Variants in RAC2 observed in about 807,000 individuals in gnomAD.
RAC2 encodes ras-related C3 botulinum toxin substrate 2.
In RAC2, 1 loss-of-function variant was observed where a neutral mutation model predicts 24.0. The ratio of observed to expected loss-of-function variants is 0.04; its 90% CI spans 0.01 to 0.20. The LOEUF is 0.20. RAC2 is among the 10% of genes least tolerant of loss of function. The pLI, the probability that RAC2 is intolerant of heterozygous loss-of-function variation, is 1.00. For missense variants in RAC2, 130 were observed against 259.1 expected (o/e 0.50, Z 3.42); for synonymous variants, 114 against 106.8 (o/e 1.07, Z -0.41).
rs766735118 is a variant in RAC2 at position 37,241,710 on chromosome 22, G to A, written c.36-52C>T. 44 of 1,533,918 alleles carry A rather than the reference G, an allele frequency of 2.9e-5. No homozygotes were observed. The East Asian group carries it at 2.9e-4, about 10-fold the overall frequency. Reference sequence around the variant, plus strand: ...GGCGGTCATGGGCTCTGCCGGAGACGTGGGGAGGTTTCTGCCTGGTCCTCT... The same window carrying A: ...GGCGGTCATGGGCTCTGCCGGAGACATGGGGAGGTTTCTGCCTGGTCCTCT... On this transcript the variant is annotated intron_variant, in intron 1 of 6. Coordinates refer to ENST00000249071, the MANE Select transcript of RAC2 (RefSeq NM_002872.5).
chr22:37,228,876 C>T (rs1926968018), intron 5 of RAC2, among the ~76,000 whole-genome samples: 1 of 152,198 alleles, frequency 6.6e-6, no homozygotes, highest in Non-Finnish European at 1.5e-5. Flanking sequence ...GGCGTCTCCC[C>T]TCTACCTGGA....
chr22:37,226,964 A>G (rs1926864500), intron 5 of RAC2, among the ~76,000 whole-genome samples, 161 bp from the exon 6 acceptor site: 1 of 84,204 alleles, frequency 1.2e-5, no homozygotes, highest in African/African-American at 5.3e-5. Context: ...CACCCCTCCC[A>G]CGCCATACAC....
intron 5 of RAC2, among the ~76,000 whole-genome samples, chr22:37,230,588 C>T (rs960664146): frequency 4.6e-5 from 7 of 152,156 alleles, no homozygotes; most frequent in Non-Finnish European, 7.4e-5. Context: ...TGCTGTCCTT[C>T]CTTCAAATCT....
chr22:37,229,628 T>TC (rs1569088824), intron 5 of RAC2, among the ~76,000 whole-genome samples: 1 of 152,004 alleles, frequency 6.6e-6, no homozygotes, highest in Non-Finnish European at 1.5e-5. Flanking sequence ...TCCCTGCCAG[T>TC]CCCCCCAGGA....
At chr22:37,238,276 G>A (rs1318864497) in intron 2 of RAC2, among the ~76,000 whole-genome samples, 1 of 151,938 alleles carries the variant, frequency 6.6e-6, no homozygotes, top group Non-Finnish European at 1.5e-5. Flanking sequence ...TCACTTTGTT[G>A]CCCAGGCTGG....
At chr22:37,226,610 C>T (rs1926842156) in intron 6 of RAC2, 61 bp downstream of exon 6, 8 of 1,593,398 alleles carry the variant, frequency 5.0e-6, no homozygotes, top group Middle Eastern at 3.8e-4. Context: ...GAACCAAAGG[C>T]CACTGCTCAG....
At chr22:37,226,328 T>A (rs1336551903) in intron 6 of RAC2, among the ~76,000 whole-genome samples, 1 of 151,978 alleles carries the variant, frequency 6.6e-6, no homozygotes, top group Non-Finnish European at 1.5e-5. Flanking sequence ...GTGCAGGATC[T>A]CCCTGGCTCG....
intron 5 of RAC2, among the ~76,000 whole-genome samples, chr22:37,230,414 G>C (rs1927022976): frequency 6.6e-6 from 1 of 152,046 alleles, no homozygotes; most frequent in South Asian, 2.1e-4. Flanking sequence ...TTTGGGCAAG[G>C]ATCCCTGAGC....
At chr22:37,234,956 T>C (rs1927179843) in intron 2 of RAC2, among the ~76,000 whole-genome samples, 1 of 152,176 alleles carries the variant, frequency 6.6e-6, no homozygotes, top group African/African-American at 2.4e-5. Flanking sequence ...GGTGACTACT[T>C]TGCCTGGACC....
chr22:37,235,658 T>C (rs1200771842), intron 2 of RAC2, among the ~76,000 whole-genome samples: 2 of 152,254 alleles, frequency 1.3e-5, no homozygotes, highest in Non-Finnish European at 2.9e-5. Flanking sequence ...AAGAAGGCGC[T>C]GTCCAGGGAG....
intron 5 of RAC2, among the ~76,000 whole-genome samples, chr22:37,230,696 G>A (rs1480283711): frequency 6.6e-6 from 1 of 152,072 alleles, no homozygotes; most frequent in Non-Finnish European, 1.5e-5. Flanking sequence ...AGAAACCAAA[G>A]GGAGTGGGGA....
chr22:37,231,301 G>A lies in RAC2; in HGVS notation c.378C>T (p.Ile126=), dbSNP rs986205783. Reference sequence around the variant, plus strand: ...CCAGCTTCTTCTCCTTCAGTTTCTCGATGGTGTCCTTGTCGTCCCGCAGGT... The same window carrying A: ...CCAGCTTCTTCTCCTTCAGTTTCTCAATGGTGTCCTTGTCGTCCCGCAGGT... The part of the protein sequence containing the change: ...KLDLRDDKDT[I]EKLKEKKLAP... Residue 126 remains isoleucine, a synonymous_variant, in exon 5 of 7, where the codon ATC becomes ATT. Coordinates refer to ENST00000249071, the MANE Select transcript of RAC2 (RefSeq NM_002872.5). This position sits in a 1 kb window ranked among gnomAD's most constrained non-coding sequence, Gnocchi z 5.5. The A allele has an allele frequency of 1.9e-5, 31 of 1,613,996 alleles. No homozygotes were observed. Among genetic ancestry groups the A allele is most frequent in the South Asian group, 9.9e-5 (9 of 91,066 alleles).
Position 37,231,879 on chromosome 22 carries a change from T to G in RAC2, c.288+53A>C. On this transcript the variant is annotated intron_variant, in intron 4 of 6. Coordinates refer to ENST00000249071, the MANE Select transcript of RAC2 (RefSeq NM_002872.5). The surrounding 1 kb of genome is among the most constrained non-coding windows in gnomAD (Gnocchi z 5.5). Reference sequence around the variant, plus strand: ...CTAGAGTCACCAGTTCCTCCCTCTGTCCCTCAGGGTTACCTGCCCCAGAGC... The same window carrying G: ...CTAGAGTCACCAGTTCCTCCCTCTGGCCCTCAGGGTTACCTGCCCCAGAGC... 1 of 1,535,172 alleles carries G rather than the reference T, an allele frequency of 6.5e-7. No individual in the cohort carries two copies. Among genetic ancestry groups the G allele is most frequent in the Non-Finnish European group, 8.8e-7 (1 of 1,132,570 alleles).
intron 2 of RAC2, among the ~76,000 whole-genome samples, chr22:37,239,609 G>C (rs1325844334): frequency 3.4e-4 from 51 of 152,188 alleles, no homozygotes; most frequent in Non-Finnish European, 1.0e-4. Context: ...GGAGGTGCCT[G>C]GGGAAGGAGC....
chr22:37,226,872 C>T, intron 5 of RAC2, 69 bp from the exon 6 acceptor site: 1 of 1,584,110 alleles, frequency 6.3e-7, no homozygotes, highest in Non-Finnish European at 8.6e-7. Context: ...AACATGTCTC[C>T]TATGCCATAC....
intron 5 of RAC2, among the ~76,000 whole-genome samples, chr22:37,227,707 C>T (rs1926927594): frequency 6.7e-6 from 1 of 148,842 alleles, no homozygotes; most frequent in African/African-American, 2.5e-5. Context: ...TACACCCCCT[C>T]CCAAGCCATA....
chr22:37,229,358 G>A (rs1926986171), intron 5 of RAC2, among the ~76,000 whole-genome samples: 1 of 152,216 alleles, frequency 6.6e-6, no homozygotes, highest in Non-Finnish European at 1.5e-5. Context: ...TTGTGGCTTA[G>A]GGAGCCAGTC....
intron 2 of RAC2, 74 bp from the exon 3 acceptor site, chr22:37,232,992 T>G: frequency 1.7e-6 from 2 of 1,161,350 alleles, no homozygotes; most frequent in Non-Finnish European, 2.6e-6. Flanking sequence ...TCCAGCTCCA[T>G]GTCATTCCTC....
intron 2 of RAC2, among the ~76,000 whole-genome samples, chr22:37,237,403 G>A (rs904295499): frequency 6.6e-6 from 1 of 152,074 alleles, no homozygotes; most frequent in Non-Finnish European, 1.5e-5. Flanking sequence ...GGAGCAGGAG[G>A]GAACAGAATA....
Sources: gnomAD v4.1 joint callset for allele counts (sites outside exome capture counted in the v4.1 genomes callset) on GRCh38, gnomAD v4.1.1 for gene constraint, Gnocchi (gnomAD v3.1) non-coding constraint, MANE v1.5 for transcripts, NCBI Gene and HGNC (gene_info 2026-07-23, HGNC 2026-07-21) for gene names.